FBXO34: variants seen among roughly 807,000 people sequenced by gnomAD.
FBXO34 encodes F-box only protein 34.
In FBXO34, 12 loss-of-function variants were observed where a neutral mutation model predicts 24.5. The ratio of observed to expected loss-of-function variants is 0.49; its 90% CI spans 0.31 to 0.79. FBXO34 has a LOEUF of 0.79. Among genes scored for constraint, FBXO34 ranks in the 30% least tolerant of loss-of-function variants. The pLI is 0.04. For missense variants in FBXO34, 823 were observed against 857.7 expected (o/e 0.96, Z 0.51); for synonymous variants, 320 against 311.9 (o/e 1.03, Z -0.27).
At chr14:55,342,781 G>C (rs1445119511) in intron 1 of FBXO34, among the ~76,000 whole-genome samples, 3 of 152,176 alleles carry the variant, frequency 2.0e-5, no homozygotes, top group Non-Finnish European at 2.9e-5. Flanking sequence ...GTAGTTTTAT[G>C]TGGCACTTAT....
chr14:55,295,904 A>C (rs988758646), intron 1 of FBXO34, among the ~76,000 whole-genome samples: 1 of 152,228 alleles, frequency 6.6e-6, no homozygotes, highest in Non-Finnish European at 1.5e-5. Flanking sequence ...AATGTCACAA[A>C]GAGACCATTA....
At chr14:55,283,620 A>G (rs368741875) in intron 1 of FBXO34, among the ~76,000 whole-genome samples, 1 of 151,726 alleles carries the variant, frequency 6.6e-6, no homozygotes, top group African/African-American at 2.4e-5. Context: ...GCCAACCACC[A>G]TGCCCGACTA....
chr14:55,314,631 A>T (rs1449246695), intron 1 of FBXO34, among the ~76,000 whole-genome samples: 1 of 152,248 alleles, frequency 6.6e-6, no homozygotes, highest in Non-Finnish European at 1.5e-5. Context: ...ATAGATGATA[A>T]TATTAAATTT....
the FBXO34 span, among the ~76,000 whole-genome samples, chr14:55,396,545 T>A: frequency 6.6e-6 from 1 of 152,224 alleles, no homozygotes; most frequent in Non-Finnish European, 1.5e-5. Flanking sequence ...ACTTTGGGAA[T>A]CAGTGGCCTG....
the FBXO34 span, among the ~76,000 whole-genome samples, chr14:55,408,321 G>A: frequency 6.6e-6 from 1 of 152,134 alleles, no homozygotes; most frequent in Non-Finnish European, 1.5e-5. Flanking sequence ...TAGGCGTGTT[G>A]ATGTGCGCCT....
chr14:55,392,973 T>C, the FBXO34 span, among the ~76,000 whole-genome samples: 1 of 152,170 alleles, frequency 6.6e-6, no homozygotes, highest in South Asian at 2.1e-4. Context: ...AAGTCTTAGA[T>C]AGAAAAACTA....
At chr14:55,276,139 C>T (rs949256130) in intron 1 of FBXO34, among the ~76,000 whole-genome samples, 29 of 152,188 alleles carry the variant, frequency 1.9e-4, no homozygotes, top group African/African-American at 7.0e-4. Flanking sequence ...TTTCTTTCCA[C>T]TCTCAGGCAT....
At chr14:55,432,862 A>C in the FBXO34 span, among the ~76,000 whole-genome samples, 1 of 152,198 alleles carries the variant, frequency 6.6e-6, no homozygotes, top group Admixed American at 6.5e-5. Flanking sequence ...CCTCTGCGTG[A>C]GATCCAGGAG....
intron 1 of FBXO34, among the ~76,000 whole-genome samples, chr14:55,317,203 A>G (rs1470867834): frequency 2.0e-5 from 3 of 152,180 alleles, no homozygotes; most frequent in Non-Finnish European, 4.4e-5. Context: ...GGTTCATACT[A>G]GCTTATCAGA....
chr14:55,422,656 A>G, the FBXO34 span, among the ~76,000 whole-genome samples: 2 of 152,172 alleles, frequency 1.3e-5, no homozygotes, highest in Non-Finnish European at 2.9e-5. Flanking sequence ...GTTCGAGACC[A>G]GCCTAGCCAA....
the FBXO34 span, among the ~76,000 whole-genome samples, chr14:55,421,079 GAAAA>G: frequency 8.7e-6 from 1 of 115,512 alleles, no homozygotes; most frequent in Non-Finnish European, 2.0e-5. Context: ...AAAAAAAAAA[GAAAA>G]AAGAAATTTG....
intron 1 of FBXO34, chr14:55,335,503 G>A (rs976073446): frequency 6.6e-6 from 1 of 152,070 alleles, no homozygotes; most frequent in African/African-American, 2.4e-5. Flanking sequence ...GGGATTAGAG[G>A]GTGTATAAAA....
intron 1 of FBXO34, among the ~76,000 whole-genome samples, chr14:55,304,119 C>A (rs1173207827): frequency 6.6e-6 from 1 of 152,162 alleles, no homozygotes; most frequent in East Asian, 1.9e-4. Flanking sequence ...TAGCATATAT[C>A]TTAATTCTAA....
At chr14:55,397,256 T>C in the FBXO34 span, 51 of 898,892 alleles carry the variant, frequency 5.7e-5, no homozygotes, top group Admixed American at 9.1e-4. Context: ...CTTTAAGAGG[T>C]TGTATCCTAA....
At chr14:55,426,577 A>G in the FBXO34 span, among the ~76,000 whole-genome samples, 2 of 152,152 alleles carry the variant, frequency 1.3e-5, no homozygotes, top group African/African-American at 4.8e-5. Context: ...TAATGTTCCC[A>G]GTGTCAAGAA....
the FBXO34 span, chr14:55,411,571 A>G: frequency 1.3e-6 from 2 of 1,579,350 alleles, no homozygotes; most frequent in Non-Finnish European, 1.7e-6. Flanking sequence ...ACACAGCAGA[A>G]GAAACAATAG....
intron 1 of FBXO34, among the ~76,000 whole-genome samples, chr14:55,294,084 C>T (rs1182993752): frequency 6.6e-6 from 1 of 152,106 alleles, no homozygotes; most frequent in Admixed American, 6.6e-5. Flanking sequence ...TAAGTCTGTA[C>T]TGATCACCCT....
the FBXO34 span, chr14:55,413,710 C>A: frequency 3.4e-6 from 1 of 294,746 alleles, no homozygotes; most frequent in South Asian, 3.7e-5. Flanking sequence ...TCACGCGTTT[C>A]AGGAAACTTA....
At chr14:55,382,104 G>C in the FBXO34 span, 1 of 1,614,108 alleles carries the variant, frequency 6.2e-7, no homozygotes, top group Non-Finnish European at 8.5e-7. Context: ...GTCCTGAGAG[G>C]TAAGTTGTCC....
Sources: gnomAD v4.1 joint callset for allele counts (sites outside exome capture counted in the v4.1 genomes callset) on GRCh38, gnomAD v4.1.1 for gene constraint, MANE v1.5 for transcripts, NCBI Gene and HGNC (gene_info 2026-07-23, HGNC 2026-07-21) for gene names.